Variants in NAV3 observed in about 807,000 individuals in gnomAD.
The protein encoded by NAV3 is neuron navigator 3, also known as pore membrane and/or filament interacting like protein 1.
NAV3 carries 87 observed loss-of-function variants against 244.7 expected under a neutral mutation model. The ratio of observed to expected loss-of-function variants is 0.36; its 90% CI spans 0.30 to 0.42. NAV3 has a LOEUF of 0.42. NAV3 is among the 20% of genes least tolerant of loss of function. The pLI is 1.00. For missense variants in NAV3, 2,663 were observed against 2,893.3 expected (o/e 0.92, Z 1.83); for synonymous variants, 1,126 against 1,042.2 (o/e 1.08, Z -1.55).
Position 78,108,855 on chromosome 12 carries a change from T to C in NAV3, c.2637-7917T>C, listed in dbSNP as rs151225334. 3.7e-3 allele frequency among the ~76,000 whole-genome samples: 567 copies of C among 151,772 alleles called. 6 individuals are homozygous for C. Among genetic ancestry groups the C allele is most frequent in the African/African-American group, 0.013 (547 of 41,418 alleles). ...GCAATAAATGCTTACACTGAAAAAGTAGAAATATTTTAAAATTAGCAACCT... is the reference window on the plus strand; with the variant it reads ...GCAATAAATGCTTACACTGAAAAAGCAGAAATATTTTAAAATTAGCAACCT... On this transcript the variant is annotated intron_variant, in intron 12 of 39. Coordinates refer to ENST00000397909, the MANE Select transcript of NAV3 (RefSeq NM_001024383.2).
intron 2 of NAV3, among the ~76,000 whole-genome samples, chr12:77,789,428 T>A (rs1426411383): frequency 1.3e-5 from 2 of 151,504 alleles, no homozygotes; most frequent in East Asian, 3.9e-4. Flanking sequence ...AGGACAGGGG[T>A]GTCCAATTTT....
intron 8 of NAV3, among the ~76,000 whole-genome samples, chr12:78,010,286 C>T (rs1376392826): frequency 1.3e-5 from 2 of 152,112 alleles, no homozygotes; most frequent in South Asian, 2.1e-4. Context: ...TTTCACTGTT[C>T]TATCCCCATG....
chr12:78,190,368 A>C (rs1958919890), intron 34 of NAV3, 149 bp downstream of exon 34: 4 of 667,006 alleles, frequency 6.0e-6, no homozygotes, highest in Non-Finnish European at 1.0e-5. Flanking sequence ...GTGAGTGATC[A>C]AACTCTGTTT....
At chr12:77,847,611 C>T (rs78188120) in intron 1 of NAV3, among the ~76,000 whole-genome samples, 1,758 of 152,266 alleles carry the variant, frequency 0.012, 28 homozygotes, top group African/African-American at 0.04. Context: ...TTCTGTATAA[C>T]ATTTTCTCAT....
At chr12:77,735,919 G>T (rs534232783) in intron 2 of NAV3, among the ~76,000 whole-genome samples, 1 of 152,220 alleles carries the variant, frequency 6.6e-6, no homozygotes, top group African/African-American at 2.4e-5. Context: ...CCATTCATGG[G>T]TTTAGTCTCC....
At chr12:78,036,991 T>C (rs1879998051) in intron 9 of NAV3, 2 of 702,954 alleles carry the variant, frequency 2.8e-6, no homozygotes, top group East Asian at 5.4e-5. Context: ...AGACCCACGG[T>C]GCGCATTTCC....
intron 2 of NAV3, among the ~76,000 whole-genome samples, chr12:77,578,763 G>A (rs955898646): frequency 2.0e-5 from 3 of 151,976 alleles, no homozygotes; most frequent in African/African-American, 7.3e-5. Flanking sequence ...CAATTTATGG[G>A]TGACCCACAC....
rs561720400 is a variant in NAV3, at chr12:78,183,532, T to C, written c.5693-2069T>C. On this transcript the variant is annotated intron_variant, in intron 30 of 39. Transcript: ENST00000397909. ...TGAAACTAGTAAGCAGCAGAACTAA[T>C]AATCAAACCCTGGCTTGGATGAATC... is the stretch of plus-strand genomic sequence containing the variant. Among the ~76,000 whole-genome samples, 10 of 152,090 alleles carry C rather than the reference T, an allele frequency of 6.6e-5. No individual in the cohort carries two copies. The South Asian group carries it at 2.1e-3, about 32-fold the overall frequency.
chr12:77,997,081 A>C (rs1028200402), intron 6 of NAV3, among the ~76,000 whole-genome samples: 1 of 152,000 alleles, frequency 6.6e-6, no homozygotes, highest in Admixed American at 6.6e-5. Context: ...CTCTATCAAA[A>C]TACAAAGATG....
chr12:77,610,063 A>G (rs192540854), intron 2 of NAV3, among the ~76,000 whole-genome samples: 1 of 152,044 alleles, frequency 6.6e-6, no homozygotes, highest in Admixed American at 6.6e-5. Context: ...ATGGCCTTAC[A>G]TTTCCTTTTT....
intron 2 of NAV3, among the ~76,000 whole-genome samples, chr12:77,817,444 AG>A (rs1304245879): frequency 1.3e-5 from 2 of 152,152 alleles, no homozygotes; most frequent in Admixed American, 1.3e-4. Context: ...TAATATAAGA[AG>A]TTTTTTTTTA....
chr12:78,170,973 T>C (rs887999625), intron 24 of NAV3, among the ~76,000 whole-genome samples: 2 of 151,774 alleles, frequency 1.3e-5, no homozygotes, highest in Non-Finnish European at 2.9e-5. Flanking sequence ...AGCTTGTTTT[T>C]TCACCCTTTT....
At chr12:77,678,774 C>A (rs2137106080) in intron 2 of NAV3, among the ~76,000 whole-genome samples, 1 of 152,202 alleles carries the variant, frequency 6.6e-6, no homozygotes, top group South Asian at 2.1e-4. Flanking sequence ...TTATCTCAGC[C>A]ATCTTATACC....
chr12:77,590,331 G>A (rs1448919968), intron 2 of NAV3, among the ~76,000 whole-genome samples: 1 of 152,174 alleles, frequency 6.6e-6, no homozygotes, highest in African/African-American at 2.4e-5. Context: ...TGGCTTAACA[G>A]CAAATTCTCC....
intron 3 of NAV3, among the ~76,000 whole-genome samples, chr12:77,957,779 C>T (rs1183350686): frequency 6.6e-6 from 1 of 152,030 alleles, no homozygotes; most frequent in Non-Finnish European, 1.5e-5. Context: ...ATTCTCGTGC[C>T]TTAGCCTCCC....
intron 1 of NAV3, among the ~76,000 whole-genome samples, chr12:77,881,957 T>G (rs2136621815): frequency 6.6e-6 from 1 of 152,296 alleles, no homozygotes; most frequent in Non-Finnish European, 1.5e-5. Context: ...GATTCCATGC[T>G]CATGGATTGG....
intron 2 of NAV3, among the ~76,000 whole-genome samples, chr12:77,700,259 C>A (rs1460900962): frequency 6.6e-6 from 1 of 152,024 alleles, no homozygotes; most frequent in Non-Finnish European, 1.5e-5. Context: ...CTTGAAATGA[C>A]CTTGGAGTTG....
chr12:77,717,384 A>G (rs1450486624), intron 2 of NAV3, among the ~76,000 whole-genome samples: 1 of 152,038 alleles, frequency 6.6e-6, no homozygotes, highest in Non-Finnish European at 1.5e-5. Flanking sequence ...TTTGTCCTTA[A>G]GCAACTGGCT....
chr12:78,021,128 G>A (rs1877084779), intron 8 of NAV3, among the ~76,000 whole-genome samples: 1 of 152,028 alleles, frequency 6.6e-6, no homozygotes, highest in African/African-American at 2.4e-5. Flanking sequence ...CTTTTAATTA[G>A]ACACACTCTT....
Sources: gnomAD v4.1 joint callset for allele counts (sites outside exome capture counted in the v4.1 genomes callset) on GRCh38, gnomAD v4.1.1 for gene constraint, MANE v1.5 for transcripts, NCBI Gene and HGNC (gene_info 2026-07-23, HGNC 2026-07-21) for gene names.